FGF14: variants seen among roughly 807,000 people sequenced by gnomAD.
The protein encoded by FGF14 is fibroblast growth factor homologous factor 4.
FGF14 carries 5 observed loss-of-function variants against 25.5 expected under a neutral mutation model. That is an observed-to-expected ratio of 0.20 (90% confidence interval 0.10 to 0.41). The LOEUF (loss-of-function observed/expected upper bound fraction) is 0.41, where lower values mean the gene tolerates loss of function less well. Among genes scored for constraint, FGF14 ranks in the 10% least tolerant of loss-of-function variants. The pLI is 1.00. For missense variants in FGF14, 222 were observed against 320.1 expected, an observed-to-expected ratio of 0.69 and a Z score of 2.34; for synonymous variants, 138 against 118.3, an observed-to-expected ratio of 1.17 and a Z score of -1.08.
intron 1 of FGF14, among the ~76,000 whole-genome samples, chr13:102,297,980 T>C (rs1329574323): frequency 6.6e-6 from 1 of 152,098 alleles, no homozygotes. Flanking sequence ...CAACAACACA[T>C]GGCCGTAATT....
In FGF14 at chr13:102,135,057, AC is replaced by A. The variant is rs1566730291; in HGVS notation, c.209-259762del. Among the ~76,000 whole-genome samples the A allele has an allele frequency of 6.4e-3, 929 of 144,816 alleles. 10 individuals carry two copies. The highest frequency in any genetic ancestry group is 0.023 in the African/African-American group (865 of 38,208). On this transcript the variant is annotated intron_variant, in intron 1 of 4. Coordinates refer to the FGF14 transcript ENST00000376131. ...CACACACACACACACACACACACAC[AC>A]ACAAATCCGCGTGGTGGTGTGCACC...
At chr13:101,866,196 C>T (rs1045717259) in intron 3 of FGF14, among the ~76,000 whole-genome samples, 4 of 152,028 alleles carry the variant, frequency 2.6e-5, no homozygotes, top group African/African-American at 9.7e-5. Flanking sequence ...AATTATACTT[C>T]TCAATAATTG....
In FGF14 at chr13:101,999,190, A is replaced by T. The variant is rs376291709; in HGVS notation, c.209-123894T>A. Among the ~76,000 whole-genome samples the T allele has an allele frequency of 3.3e-5, 5 of 152,350 alleles. No homozygotes were observed. In the South Asian group the frequency reaches 1.0e-3, roughly 32 times the overall value. ...AATTTAACATTAAAGAAGAATGTGC[A>T]TTTTTAAATCTTCATCAAAGGTGAT... On this transcript the variant is annotated intron_variant, in intron 1 of 4. Coordinates refer to the FGF14 transcript ENST00000376131.
intron 1 of FGF14, among the ~76,000 whole-genome samples, chr13:102,163,057 A>C (rs896181206): frequency 1.1e-4 from 16 of 152,194 alleles, no homozygotes; most frequent in African/African-American, 3.9e-4. Context: ...AGAGGGATTC[A>C]TACGTTTCCT....
At chr13:102,323,953 C>T (rs959568005) in intron 1 of FGF14, among the ~76,000 whole-genome samples, 4 of 124,800 alleles carry the variant, frequency 3.2e-5, no homozygotes, top group Admixed American at 8.1e-5. Flanking sequence ...TCCCAACGTG[C>T]AGTATGTGTG....
chr13:102,119,792 T>G lies in FGF14; in HGVS notation c.209-244496A>C, dbSNP rs576862516. 2.8e-3 allele frequency among the ~76,000 whole-genome samples: 431 copies of G among 152,262 alleles called. 1 individual carries two copies. The highest frequency in any genetic ancestry group is 9.6e-3 in the African/African-American group (400 of 41,546). ...TGAAGCTGGATAGTGAATAAGGATG[T>G]TTATTGTTCCAGTTTTTAAATGTTT... On this transcript the variant is annotated intron_variant, in intron 1 of 4. Transcript: ENST00000376131.
At chr13:101,802,722 C>A (rs888720483) in intron 3 of FGF14, among the ~76,000 whole-genome samples, 9 of 152,180 alleles carry the variant, frequency 5.9e-5, no homozygotes, top group African/African-American at 2.2e-4. Context: ...TTTCTTCACA[C>A]TGTGCACTTT....
chr13:102,002,021 A>C (rs1163904684), intron 1 of FGF14: 3 of 152,162 alleles, frequency 2.0e-5, no homozygotes, highest in Non-Finnish European at 4.4e-5. Flanking sequence ...CATGATTAGG[A>C]ATGGTTTATT....
intron 1 of FGF14, among the ~76,000 whole-genome samples, chr13:102,070,283 C>T (rs1371583126): frequency 3.9e-5 from 6 of 152,110 alleles, no homozygotes; most frequent in African/African-American, 1.4e-4. Context: ...TAAAGGTGGT[C>T]AATATCATTC....
chr13:102,206,038 T>A (rs7327074), intron 1 of FGF14, among the ~76,000 whole-genome samples: 117,976 of 120,204 alleles, frequency 0.98, 57,885 homozygotes, highest in East Asian at 0.99. Context: ...AAAAAAAGCA[T>A]TAGATTCCAG....
At chr13:102,189,588 T>G (rs1447943343) in intron 1 of FGF14, among the ~76,000 whole-genome samples, 2 of 152,184 alleles carry the variant, frequency 1.3e-5, no homozygotes, top group African/African-American at 4.8e-5. Flanking sequence ...GTAAAGGTCA[T>G]GCCATAAGCC....
chr13:101,997,591 G>A (rs1025745243), intron 1 of FGF14, among the ~76,000 whole-genome samples: 2 of 152,160 alleles, frequency 1.3e-5, no homozygotes, highest in African/African-American at 4.8e-5. Flanking sequence ...TGATTCAGTA[G>A]GTCTGGGCCA....
chr13:102,319,443 C>T (rs546615657), intron 1 of FGF14, among the ~76,000 whole-genome samples: 2 of 152,338 alleles, frequency 1.3e-5, no homozygotes, highest in East Asian at 3.9e-4. Flanking sequence ...GCCAAGCCTC[C>T]TGCCTTCCCC....
Position 101,720,907 on chromosome 13 carries a change from G to A in FGF14, c.*1924C>T, listed in dbSNP as rs1221201950. The A allele has an allele frequency of 6.6e-6, 1 of 152,036 alleles. No homozygotes were observed. The highest frequency in any genetic ancestry group is 1.5e-5 in the Non-Finnish European group (1 of 67,994). The allele number at this position is 152,036 out of a possible 1,614,324, so 9.4% of individuals were successfully genotyped here. ...AGAATCCAATATGAAAATGAAATAA[G>A]CATAAACAAACAGTTAAATTTCTAC... is the stretch of plus-strand genomic sequence containing the variant. On this transcript the variant is annotated 3_prime_UTR_variant, in exon 5 of 5. Coordinates refer to ENST00000376143, the MANE Select transcript of FGF14 (RefSeq NM_004115.4).
intron 1 of FGF14, among the ~76,000 whole-genome samples, chr13:101,929,640 G>T (rs1241129315): frequency 6.6e-6 from 1 of 152,138 alleles, no homozygotes; most frequent in Non-Finnish European, 1.5e-5. Flanking sequence ...CTCTTCCCAT[G>T]CTTTTCTATT....
At chr13:102,306,039 A>G (rs904327949) in intron 1 of FGF14, among the ~76,000 whole-genome samples, 1 of 152,172 alleles carries the variant, frequency 6.6e-6, no homozygotes, top group African/African-American at 2.4e-5. Context: ...AATGAGGAAT[A>G]TACAACTCAT....
At chr13:102,010,334 C>T (rs766989839) in intron 1 of FGF14, among the ~76,000 whole-genome samples, 17 of 151,942 alleles carry the variant, frequency 1.1e-4, no homozygotes, top group Non-Finnish European at 2.2e-4. Flanking sequence ...GCTGTTTCTA[C>T]GGAGAGAGGA....
At chr13:102,308,877 C>T (rs1169062526) in intron 1 of FGF14, among the ~76,000 whole-genome samples, 2 of 137,352 alleles carry the variant, frequency 1.5e-5, no homozygotes, top group Non-Finnish European at 3.0e-5. Context: ...ATCCAGACTT[C>T]GGAGCCACTT....
chr13:102,282,003 C>T (rs1214147418), intron 1 of FGF14, among the ~76,000 whole-genome samples: 1 of 151,760 alleles, frequency 6.6e-6, no homozygotes, highest in African/African-American at 2.4e-5. Flanking sequence ...TTAGGCCCCA[C>T]ACATATAAAT....
Sources: gnomAD v4.1 joint callset for allele counts (sites outside exome capture counted in the v4.1 genomes callset) on GRCh38, gnomAD v4.1.1 for gene constraint, MANE v1.5 for transcripts, NCBI Gene and HGNC (gene_info 2026-07-23, HGNC 2026-07-21) for gene names.